CNTNAP2: variants seen among roughly 807,000 people sequenced by gnomAD.
The protein encoded by CNTNAP2 is contactin-associated protein-like 2.
A neutral mutation model predicts 155.2 loss-of-function variants in CNTNAP2; 98 were observed. That is an observed-to-expected ratio of 0.63 (90% confidence interval 0.54 to 0.75). The LOEUF is 0.75. Ranked by LOEUF, CNTNAP2 falls within the 30% of genes least tolerant of loss-of-function variation. CNTNAP2 has a pLI of 0.00. For missense variants in CNTNAP2, 1,727 were observed against 1,688.1 expected (o/e 1.02, Z -0.40); for synonymous variants, 651 against 631.2 (o/e 1.03, Z -0.47).
intron 1 of CNTNAP2, among the ~76,000 whole-genome samples, chr7:146,265,652 G>T (rs1799983940): frequency 1.6e-4 from 24 of 151,746 alleles, no homozygotes. Context: ...TAGAGACGGG[G>T]TTTTGCCATG....
At chr7:147,336,399 A>C (rs1404748976) in intron 9 of CNTNAP2, among the ~76,000 whole-genome samples, 1 of 152,178 alleles carries the variant, frequency 6.6e-6, no homozygotes, top group African/African-American at 2.4e-5. Flanking sequence ...ACAGGAGTTT[A>C]AGCACAGCTA....
At chr7:146,731,035 T>C (rs1049604369) in intron 1 of CNTNAP2, among the ~76,000 whole-genome samples, 3 of 152,156 alleles carry the variant, frequency 2.0e-5, no homozygotes, top group Non-Finnish European at 4.4e-5. Flanking sequence ...CTTGAGGTGA[T>C]TTAAGAGGCC....
intron 11 of CNTNAP2, among the ~76,000 whole-genome samples, chr7:147,530,555 G>T (rs187644056): frequency 6.6e-6 from 1 of 152,240 alleles, no homozygotes; most frequent in Non-Finnish European, 1.5e-5. Flanking sequence ...AGACCCATTA[G>T]ATCTCATGAG....
At chr7:146,853,152 A>C (rs1349862946) in intron 3 of CNTNAP2, among the ~76,000 whole-genome samples, 1 of 152,232 alleles carries the variant, frequency 6.6e-6, no homozygotes, top group African/African-American at 2.4e-5. Flanking sequence ...CATAGCAGGA[A>C]TATCCAATGA....
chr7:147,502,844 AAGT>A (rs1798843676), intron 11 of CNTNAP2, among the ~76,000 whole-genome samples: 1 of 152,018 alleles, frequency 6.6e-6, no homozygotes, highest in Non-Finnish European at 1.5e-5. Context: ...TAAAAAAAGA[AAGT>A]AGCAGGAAAA....
intron 1 of CNTNAP2, among the ~76,000 whole-genome samples, chr7:146,395,798 TA>T (rs1207743218): frequency 7.2e-6 from 1 of 139,702 alleles, no homozygotes; most frequent in African/African-American, 3.0e-5. Context: ...GATAGATAGA[TA>T]GATAGATAGA....
rs76013192 is a variant in CNTNAP2, at chr7:147,509,946, T to C, written c.1777+23905T>C. Among the ~76,000 whole-genome samples the C allele has an allele frequency of 2.9e-3, 435 of 152,234 alleles. 5 individuals carry two copies. In the East Asian group the frequency reaches 0.054, roughly 19 times the overall value. On this transcript the variant is annotated intron_variant, in intron 11 of 23. Coordinates refer to ENST00000361727, the MANE Select transcript of CNTNAP2 (RefSeq NM_014141.6). ...TCTATGTCTGTATGGTTTTTTGCTT[T>C]GTTTCCTCTAAATCGGTGATTCTTA...
At chr7:146,465,281 GT>G (rs1033592625) in intron 1 of CNTNAP2, among the ~76,000 whole-genome samples, 27 of 152,050 alleles carry the variant, frequency 1.8e-4, no homozygotes, top group African/African-American at 6.3e-4. Context: ...TATGAAGTTT[GT>G]TTTTTTAAAG....
intron 11 of CNTNAP2, among the ~76,000 whole-genome samples, chr7:147,539,278 A>T (rs1222739688): frequency 1.3e-5 from 2 of 152,176 alleles, no homozygotes; most frequent in East Asian, 1.9e-4. Flanking sequence ...CTCAATAAGT[A>T]CAAGACTCTC....
intron 13 of CNTNAP2, among the ~76,000 whole-genome samples, chr7:147,879,464 T>A (rs1224661222): frequency 8.0e-6 from 1 of 125,214 alleles, no homozygotes; most frequent in Non-Finnish European, 1.5e-5. Flanking sequence ...AAGATGGAAA[T>A]TTTTTTTTTT....
intron 3 of CNTNAP2, among the ~76,000 whole-genome samples, chr7:146,932,142 A>T (rs1331144260): frequency 6.6e-6 from 1 of 152,118 alleles, no homozygotes; most frequent in Non-Finnish European, 1.5e-5. Context: ...CAAAAAAGAG[A>T]ATTTTAGACC....
At chr7:147,555,117 G>C (rs1487265157) in intron 11 of CNTNAP2, among the ~76,000 whole-genome samples, 3 of 152,104 alleles carry the variant, frequency 2.0e-5, no homozygotes. Context: ...AGAGTCTGTT[G>C]AGATAAAAAA....
chr7:148,358,522 G>C (rs1798561496), intron 21 of CNTNAP2, among the ~76,000 whole-genome samples: 1 of 152,300 alleles, frequency 6.6e-6, no homozygotes, highest in South Asian at 2.1e-4. Context: ...GGAGCCTGGT[G>C]AGGTCTCATC....
chr7:147,519,661 G>C (rs1799197856), intron 11 of CNTNAP2, among the ~76,000 whole-genome samples: 1 of 152,124 alleles, frequency 6.6e-6, no homozygotes, highest in African/African-American at 2.4e-5. Context: ...TCAGGAGTTG[G>C]AGACCAGCCT....
chr7:147,734,055 C>G (rs528290367), intron 13 of CNTNAP2, among the ~76,000 whole-genome samples: 47 of 152,208 alleles, frequency 3.1e-4, no homozygotes, highest in African/African-American at 7.0e-4. Context: ...ACACTATGTT[C>G]AATAGTAGTG....
At chr7:147,690,586 A>G (rs1021392581) in intron 13 of CNTNAP2, among the ~76,000 whole-genome samples, 3 of 152,168 alleles carry the variant, frequency 2.0e-5, no homozygotes, top group Non-Finnish European at 4.4e-5. Flanking sequence ...ATTAATCTTA[A>G]TATATCATAA....
chr7:146,638,472 G>GTTTTTTTTTT (rs1554460106), intron 1 of CNTNAP2, among the ~76,000 whole-genome samples: 4 of 100,106 alleles, frequency 4.0e-5, no homozygotes, highest in African/African-American at 1.1e-4. Context: ...ACAGTCAGGT[G>GTTTTTTTTTT]TTTCTTTTTT....
intron 20 of CNTNAP2, among the ~76,000 whole-genome samples, chr7:148,240,472 T>G (rs1388201270): frequency 6.6e-6 from 1 of 152,180 alleles, no homozygotes; most frequent in Non-Finnish European, 1.5e-5. Flanking sequence ...GTAACGAGAT[T>G]TCCCCTTGAG....
At chr7:147,702,198 A>C (rs1443768679) in intron 13 of CNTNAP2, among the ~76,000 whole-genome samples, 2 of 151,632 alleles carry the variant, frequency 1.3e-5, no homozygotes, top group Admixed American at 1.3e-4. Flanking sequence ...CGTCGGATCC[A>C]CCTCTACAAG....
Sources: gnomAD v4.1 joint callset for allele counts (sites outside exome capture counted in the v4.1 genomes callset) on GRCh38, gnomAD v4.1.1 for gene constraint, MANE v1.5 for transcripts, NCBI Gene and HGNC (gene_info 2026-07-23, HGNC 2026-07-21) for gene names.